The following ARFIP1 variants were observed in gnomAD, a reference collection of about 807,000 sequenced individuals.
ARFIP1 encodes the protein arfaptin-1.
ARFIP1 carries 24 observed loss-of-function variants against 42.5 expected under a neutral mutation model. The ratio of observed to expected loss-of-function variants is 0.57; its 90% CI spans 0.41 to 0.80. The LOEUF is 0.80. Ranked by LOEUF, ARFIP1 falls within the 30% of genes least tolerant of loss-of-function variation. The probability of loss-of-function intolerance (pLI) is 0.00; values close to 1 mark genes in which losing one functional copy is unlikely to be tolerated. For synonymous variants in ARFIP1, 141 were observed against 153.7 expected, an observed-to-expected ratio of 0.92 and a Z score of 0.61; for missense variants, 354 against 434.0, an observed-to-expected ratio of 0.82 and a Z score of 1.64.
intron 8 of ARFIP1, among the ~76,000 whole-genome samples, chr4:152,893,505 C>T (rs1309132398): frequency 1.3e-5 from 2 of 151,890 alleles, no homozygotes; most frequent in South Asian, 2.1e-4. Flanking sequence ...ACTAATTTAA[C>T]TTGGGAATGA....
chr4:152,909,037 A>C (rs1738620736), intron 8 of ARFIP1, among the ~76,000 whole-genome samples: 1 of 152,072 alleles, frequency 6.6e-6, no homozygotes. Flanking sequence ...ATTTTAATGA[A>C]TGTCATATTG....
At chr4:152,877,023 G>A (rs973678549) in intron 5 of ARFIP1, among the ~76,000 whole-genome samples, 1 of 152,144 alleles carries the variant, frequency 6.6e-6, no homozygotes, top group Non-Finnish European at 1.5e-5. Flanking sequence ...CAGGGGTGGG[G>A]CCCTCATGGA....
intron 8 of ARFIP1, among the ~76,000 whole-genome samples, chr4:152,909,585 A>T (rs562411254): frequency 9.2e-5 from 14 of 152,322 alleles, no homozygotes; most frequent in African/African-American, 3.4e-4. Context: ...TTTCTGAGCA[A>T]CACTTGCTAC....
At position 152,911,787 on chromosome 4, in the gene ARFIP1, T is replaced by A. The variant is rs1738870491; in HGVS notation, c.*1568T>A. 1 of 152,646 alleles carries A rather than the reference T, an allele frequency of 6.6e-6. No individual in the cohort carries two copies. The highest frequency in any genetic ancestry group is 1.5e-5 in the Non-Finnish European group (1 of 68,012). 9.5% of individuals were successfully genotyped at this position (152,646 alleles called of 1,614,324 possible). Reference sequence around the variant, plus strand: ...TTTAAATCATTCCTTCCTGTATATTTGTACTCAGAGAGCCTTATTTTATTC... The same window carrying A: ...TTTAAATCATTCCTTCCTGTATATTAGTACTCAGAGAGCCTTATTTTATTC... On this transcript the variant is annotated 3_prime_UTR_variant, in exon 9 of 9. Coordinates refer to ENST00000353617, the MANE Select transcript of ARFIP1 (RefSeq NM_001025595.3).
intron 2 of ARFIP1, among the ~76,000 whole-genome samples, chr4:152,831,724 G>A (rs1578889286): frequency 6.6e-6 from 1 of 152,080 alleles, no homozygotes; most frequent in African/African-American, 2.4e-5. Flanking sequence ...TCAACATTAT[G>A]TCTGTGAGAT....
chr4:152,794,188 T>C (rs1377505705), intron 1 of ARFIP1, among the ~76,000 whole-genome samples: 1 of 152,168 alleles, frequency 6.6e-6, no homozygotes, highest in Non-Finnish European at 1.5e-5. Context: ...ATAGCTCTTA[T>C]TAGAATGAAA....
intron 8 of ARFIP1, among the ~76,000 whole-genome samples, chr4:152,901,481 A>G (rs1244755675): frequency 1.3e-5 from 2 of 152,220 alleles, no homozygotes; most frequent in Non-Finnish European, 2.9e-5. Context: ...AGGTCACTCA[A>G]CAGATGTTGC....
chr4:152,811,430 A>G (rs1729456703), intron 1 of ARFIP1, among the ~76,000 whole-genome samples: 2 of 152,186 alleles, frequency 1.3e-5, no homozygotes, highest in South Asian at 2.1e-4. Context: ...AAGAGAGATC[A>G]TTTGAGCTGA....
At chr4:152,806,395 C>A (rs1245878947) in intron 1 of ARFIP1, among the ~76,000 whole-genome samples, 7 of 152,148 alleles carry the variant, frequency 4.6e-5, no homozygotes, top group Non-Finnish European at 1.0e-4. Context: ...GGGTCACACA[C>A]ACCTCCCGCC....
intron 2 of ARFIP1, among the ~76,000 whole-genome samples, chr4:152,851,865 T>C (rs774039677): frequency 1.1e-4 from 16 of 152,238 alleles, no homozygotes; most frequent in Non-Finnish European, 2.2e-4. Context: ...GTTTTTAATG[T>C]CATAATTATA....
At chr4:152,875,385 A>T (rs1385960826) in intron 5 of ARFIP1, among the ~76,000 whole-genome samples, 3 of 149,998 alleles carry the variant, frequency 2.0e-5, no homozygotes, top group Admixed American at 2.0e-4. Flanking sequence ...TTATAAAAAA[A>T]AAAAAAAAAA....
chr4:152,809,537 G>T (rs1488971877), intron 1 of ARFIP1: 2 of 152,152 alleles, frequency 1.3e-5, no homozygotes, highest in African/African-American at 4.8e-5. Flanking sequence ...GTTGATAATC[G>T]TTGGCATGTA....
At chr4:152,805,962 C>T (rs1333429736) in intron 1 of ARFIP1, among the ~76,000 whole-genome samples, 1 of 152,206 alleles carries the variant, frequency 6.6e-6, no homozygotes, top group African/African-American at 2.4e-5. Flanking sequence ...GGAGGCTTTC[C>T]CCAACTTTGG....
chr4:152,796,726 T>G, intron 1 of ARFIP1: 2 of 823,094 alleles, frequency 2.4e-6, no homozygotes, highest in African/African-American at 1.7e-5. Context: ...TTTCTTTGCC[T>G]TCTTTGAACA....
At chr4:152,852,367 A>T (rs1055868933) in intron 2 of ARFIP1, among the ~76,000 whole-genome samples, 1 of 152,204 alleles carries the variant, frequency 6.6e-6, no homozygotes, top group Admixed American at 6.5e-5. Context: ...GCGGTGGCTC[A>T]TGCCCGTAAT....
intron 5 of ARFIP1, among the ~76,000 whole-genome samples, chr4:152,879,671 G>GA (rs1186812084): frequency 6.6e-6 from 1 of 151,880 alleles, no homozygotes; most frequent in Non-Finnish European, 1.5e-5. Context: ...CCAACATGGA[G>GA]AAACCCCGTC....
chr4:152,828,739 A>G (rs1731034433), intron 1 of ARFIP1, among the ~76,000 whole-genome samples: 1 of 152,186 alleles, frequency 6.6e-6, no homozygotes, highest in Admixed American at 6.5e-5. Flanking sequence ...AGTACAGCCT[A>G]TCAGTTTTTT....
At chr4:152,794,405 G>A (rs1477315770) in intron 1 of ARFIP1, among the ~76,000 whole-genome samples, 1 of 152,114 alleles carries the variant, frequency 6.6e-6, no homozygotes, top group Non-Finnish European at 1.5e-5. Context: ...TGATTGGACT[G>A]AGCCTATGCA....
At chr4:152,852,397 G>C (rs1001372060) in intron 2 of ARFIP1, among the ~76,000 whole-genome samples, 3 of 152,270 alleles carry the variant, frequency 2.0e-5, no homozygotes, top group Middle Eastern at 3.4e-3. Context: ...TTGGGAGGCT[G>C]AGGCGGGCGG....
Sources: allele counts gnomAD v4.1 joint callset (sites outside exome capture counted in the v4.1 genomes callset), GRCh38; gene constraint gnomAD v4.1.1; transcripts MANE v1.5; gene names NCBI Gene and HGNC (gene_info 2026-07-23, HGNC 2026-07-21).